Variants in DNAJC3 observed in about 807,000 individuals in gnomAD.
DNAJC3 encodes DnaJ heat shock protein family (Hsp40) member C3, also known as dnaJ homolog subfamily C member 3.
Under a neutral mutation model 68.6 loss-of-function variants are expected in DNAJC3, and 38 were observed. That is an observed-to-expected ratio of 0.55 (90% CI 0.43 to 0.73). DNAJC3 has a LOEUF of 0.73. Ranked by LOEUF, DNAJC3 falls within the 30% of genes least tolerant of loss-of-function variation. The probability of loss-of-function intolerance (pLI) is 0.00; values close to 1 mark genes in which losing one functional copy is unlikely to be tolerated. For missense variants in DNAJC3, 526 were observed against 591.9 expected (o/e 0.89, Z 1.16); for synonymous variants, 203 against 204.0 (o/e 1.00, Z 0.04).
chr13:95,765,176 A>G (rs1480495367), intron 9 of DNAJC3, among the ~76,000 whole-genome samples: 1 of 152,160 alleles, frequency 6.6e-6, no homozygotes, highest in Admixed American at 6.5e-5. Context: ...TTTAATATTT[A>G]TAAGCATGCT....
At chr13:95,760,825 C>A in intron 7 of DNAJC3, 27 bp downstream of exon 7, 1 of 1,603,318 alleles carries the variant, frequency 6.2e-7, no homozygotes. Flanking sequence ...TCCAACTGTC[C>A]AGCCATTCCT....
intron 1 of DNAJC3, among the ~76,000 whole-genome samples, chr13:95,698,443 T>C (rs1056944160): frequency 1.3e-5 from 2 of 152,220 alleles, no homozygotes; most frequent in African/African-American, 2.4e-5. Context: ...CCACGAATAC[T>C]CCAATGATAA....
rs1051928492 is a variant in DNAJC3, at chr13:95,791,317, C to A, written c.*287C>A. 5.4e-6 allele frequency: 2 copies of A among 372,626 alleles called. No homozygotes were observed. Among genetic ancestry groups the A allele is most frequent in the African/African-American group, 5.9e-5 (2 of 34,040 alleles). The allele number at this position is 372,626 out of a possible 1,614,324, so 23.1% of individuals were successfully genotyped here. On this transcript the variant is annotated 3_prime_UTR_variant, in exon 12 of 12. Transcript: ENST00000602402. ...GCAGGCTCACCCGTGGAAGTGCTCA[C>A]GTATTCTGTATTATTTTTCTACACT...
intron 2 of DNAJC3, among the ~76,000 whole-genome samples, chr13:95,709,683 A>G (rs1040956159): frequency 7.8e-6 from 1 of 128,402 alleles, no homozygotes; most frequent in African/African-American, 3.1e-5. Context: ...GCTGTCGCCC[A>G]GGCTGGAGTG....
intron 1 of DNAJC3, among the ~76,000 whole-genome samples, 156 bp from the exon 2 acceptor site, chr13:95,709,071 A>G (rs1452489715): frequency 2.6e-5 from 4 of 152,306 alleles, no homozygotes; most frequent in Middle Eastern, 6.8e-3. Context: ...TAGGGTTTGT[A>G]TTTTATGTTA....
intron 1 of DNAJC3, among the ~76,000 whole-genome samples, chr13:95,680,322 T>C (rs573764354): frequency 1.6e-3 from 238 of 152,234 alleles, no homozygotes; most frequent in African/African-American, 5.5e-3. Flanking sequence ...ATTTTGGCCA[T>C]GGGGAAAAGA....
Position 95,723,378 on chromosome 13 carries a change from T to G in DNAJC3, c.318+12T>G, listed in dbSNP as rs777912878. On this transcript the variant is annotated intron_variant, in intron 3 of 11. Transcript: ENST00000602402. The stretch of plus-strand genomic sequence containing the variant: ...TGGACTTCACTGCAGTAAGTATATC[T>G]CAACTTTCTTTAAAGGGGAACTTAA... 2.7e-5 allele frequency: 43 copies of G among 1,602,708 alleles called. No homozygotes were observed. The highest frequency in any genetic ancestry group is 3.7e-5 in the Non-Finnish European group (43 of 1,174,032).
At chr13:95,775,892 A>G (rs1883277751) in intron 9 of DNAJC3, among the ~76,000 whole-genome samples, 1 of 152,242 alleles carries the variant, frequency 6.6e-6, no homozygotes, top group Non-Finnish European at 1.5e-5. Flanking sequence ...TCTCTCTGCC[A>G]GAAGAAACCT....
At chr13:95,756,686 A>G (rs556331100) in intron 4 of DNAJC3, among the ~76,000 whole-genome samples, 3 of 152,262 alleles carry the variant, frequency 2.0e-5, no homozygotes, top group African/African-American at 7.2e-5. Context: ...CAAAATTGGA[A>G]CCCTTTAGTT....
chr13:95,760,189 C>G lies in DNAJC3; in HGVS notation c.696C>G (p.Tyr232Ter). The change falls in exon 6 of 12, where the codon TAC (tyrosine) becomes TAG (stop). Residue 232 changes from tyrosine (Y) to a stop codon, truncating the protein, a stop_gained. Transcript: ENST00000602402. LOFTEE classifies it high-confidence loss of function. ...CGTTTTATAAAATAAGCACACTGTA[C>G]TACCAACTAGGAGACCACGAACTGT... ...TEAFYKISTLYYQLGDHELSL... is the reference protein window; with the variant it reads ...TEAFYKISTL 6.2e-7 allele frequency: 1 copy of G among 1,606,800 alleles called. No individual in the cohort carries two copies. Among genetic ancestry groups the G allele is most frequent in the Non-Finnish European group, 8.5e-7 (1 of 1,176,338 alleles).
intron 4 of DNAJC3, among the ~76,000 whole-genome samples, chr13:95,733,061 T>C (rs1881767165): frequency 6.6e-6 from 1 of 152,236 alleles, no homozygotes; most frequent in Non-Finnish European, 1.5e-5. Flanking sequence ...AATATACGTC[T>C]GTCCTTGAGA....
At chr13:95,765,725 C>G (rs1356742948) in intron 9 of DNAJC3, among the ~76,000 whole-genome samples, 1 of 152,006 alleles carries the variant, frequency 6.6e-6, no homozygotes, top group African/African-American at 2.4e-5. Flanking sequence ...GTGTGCACCA[C>G]CACGCCTGGC....
rs933049946 is a variant in DNAJC3, at chr13:95,794,631, A to G, written c.*3601A>G. ...TTGGGGGTTTTTTTTGTTTGTTTAC[A>G]GATGATCTCATTTGCTGAATGATTG... On this transcript the variant is annotated 3_prime_UTR_variant, in exon 12 of 12. Transcript: ENST00000602402. The G allele has an allele frequency of 2.0e-5, 3 of 152,220 alleles. No individual in the cohort carries two copies. The highest frequency in any genetic ancestry group is 6.5e-5 in the Admixed American group (1 of 15,284). The allele number at this position is 152,220 out of a possible 1,614,324, so 9.4% of individuals were successfully genotyped here. A position where few individuals can be genotyped will look rare whatever the true frequency, so the allele number is the denominator to read the frequency against.
At chr13:95,678,165 G>A (rs1056395659) in intron 1 of DNAJC3, among the ~76,000 whole-genome samples, 33 of 152,182 alleles carry the variant, frequency 2.2e-4, no homozygotes, top group Non-Finnish European at 4.4e-5. Flanking sequence ...TGATAGTGCC[G>A]ATTTAACGAA....
At chr13:95,782,024 A>C (rs999794218) in intron 9 of DNAJC3, among the ~76,000 whole-genome samples, 1 of 151,940 alleles carries the variant, frequency 6.6e-6, no homozygotes. Flanking sequence ...CCCATTGTTC[A>C]GTTCCCACTT....
intron 1 of DNAJC3, among the ~76,000 whole-genome samples, chr13:95,702,298 T>TC (rs17885121): frequency 0.017 from 2,596 of 152,302 alleles, 79 homozygotes; most frequent in African/African-American, 0.06. Flanking sequence ...TTGATTTTCT[T>TC]CTGTAATGTC....
At chr13:95,723,466 A>AT in intron 3 of DNAJC3, 100 bp downstream of exon 3, 2 of 1,327,482 alleles carry the variant, frequency 1.5e-6, no homozygotes, top group Non-Finnish European at 1.0e-6. Flanking sequence ...ACATAGCTGG[A>AT]AGAGATCAAA....
chr13:95,714,901 G>T (rs58585173), intron 2 of DNAJC3, among the ~76,000 whole-genome samples: 2,598 of 152,112 alleles, frequency 0.017, 78 homozygotes, highest in African/African-American at 0.06. Context: ...ATTAAAGTCG[G>T]TTTAAATGAC....
chr13:95,697,207 T>A (rs1880464410), intron 1 of DNAJC3, among the ~76,000 whole-genome samples: 1 of 152,210 alleles, frequency 6.6e-6, no homozygotes, highest in Non-Finnish European at 1.5e-5. Flanking sequence ...TTCTTATAGG[T>A]CTAGTCTAGT....
Sources: allele counts gnomAD v4.1 joint callset (sites outside exome capture counted in the v4.1 genomes callset), GRCh38; gene constraint gnomAD v4.1.1; transcripts MANE v1.5; gene names NCBI Gene and HGNC (gene_info 2026-07-23, HGNC 2026-07-21).